CCDC150: variants seen among roughly 807,000 people sequenced by gnomAD.
The protein encoded by CCDC150 is coiled-coil domain containing 150, also known as coiled-coil domain-containing protein 150.
CCDC150 carries 151 observed loss-of-function variants against 156.5 expected under a neutral mutation model. That is an observed-to-expected ratio of 0.97 (90% CI 0.85 to 1.10). CCDC150 has a LOEUF of 1.10. Among genes scored for constraint, CCDC150 ranks in the 50% least tolerant of loss-of-function variants. The probability of loss-of-function intolerance (pLI) is 0.00; values close to 1 mark genes in which losing one functional copy is unlikely to be tolerated. For synonymous variants in CCDC150, 452 were observed against 429.4 expected (o/e 1.05, Z -0.65); for missense variants, 1,312 against 1,268.1 (o/e 1.03, Z -0.53).
chr2:196,704,837 G>C (rs1696500830), intron 15 of CCDC150, among the ~76,000 whole-genome samples: 1 of 152,076 alleles, frequency 6.6e-6, no homozygotes, highest in Non-Finnish European at 1.5e-5. Context: ...TGCTGATAAT[G>C]ATGGTTTCCA....
chr2:196,655,179 A>G (rs935914381), intron 2 of CCDC150, among the ~76,000 whole-genome samples: 7 of 152,220 alleles, frequency 4.6e-5, no homozygotes, highest in Non-Finnish European at 7.3e-5. Context: ...ACTCTAAGCC[A>G]GGGAGAAGCT....
intron 2 of CCDC150, among the ~76,000 whole-genome samples, chr2:196,656,214 T>TA (rs1486558061): frequency 2.6e-5 from 4 of 152,022 alleles, no homozygotes; most frequent in African/African-American, 9.7e-5. Flanking sequence ...TGGGGAATCT[T>TA]AGAGTTAGGG....
At chr2:196,657,493 A>G (rs1693284384) in intron 4 of CCDC150, 1 of 217,090 alleles carries the variant, frequency 4.6e-6, no homozygotes. Flanking sequence ...AGGAAATGTT[A>G]CAGAATAGGA....
intron 21 of CCDC150, among the ~76,000 whole-genome samples, chr2:196,721,898 C>G (rs77949494): frequency 0.012 from 1,809 of 152,322 alleles, 37 homozygotes; most frequent in African/African-American, 0.041. Context: ...GACTCTCCTT[C>G]TCAGCTCTTC....
intron 24 of CCDC150, 23 bp downstream of exon 24, chr2:196,729,884 G>T (rs768607508): frequency 1.3e-6 from 2 of 1,599,996 alleles, no homozygotes; most frequent in Non-Finnish European, 1.7e-6. Flanking sequence ...CATATACTCT[G>T]TGTTTACCTT....
At chr2:196,731,019 T>C in intron 26 of CCDC150, 74 bp downstream of exon 26, 1 of 1,069,928 alleles carries the variant, frequency 9.3e-7, no homozygotes, top group Non-Finnish European at 1.4e-6. Context: ...CCCAAGTCAA[T>C]GTGAAATCCT....
At chr2:196,704,671 G>A (rs1396079372) in intron 15 of CCDC150, among the ~76,000 whole-genome samples, 2 of 151,988 alleles carry the variant, frequency 1.3e-5, no homozygotes, top group Non-Finnish European at 2.9e-5. Flanking sequence ...ATTTACATTA[G>A]GTATATCTCC....
intron 1 of CCDC150, 71 bp from the exon 2 acceptor site, chr2:196,646,270 A>G: frequency 2.8e-6 from 4 of 1,408,020 alleles, no homozygotes; most frequent in Non-Finnish European, 4.0e-6. Context: ...TAATCCTGGC[A>G]CAGGAATGGC....
chr2:196,709,079 A>G (rs1575916132), intron 15 of CCDC150, among the ~76,000 whole-genome samples: 1 of 152,160 alleles, frequency 6.6e-6, no homozygotes, highest in South Asian at 2.1e-4. Context: ...GTTCTCCTGG[A>G]TAATATCCTG....
At chr2:196,711,448 T>C (rs146637571) in intron 15 of CCDC150, among the ~76,000 whole-genome samples, 48 of 152,266 alleles carry the variant, frequency 3.2e-4, no homozygotes, top group Non-Finnish European at 5.1e-4. Flanking sequence ...TTTCCTGATT[T>C]AGGGGTAGGT....
At chr2:196,712,891 C>G (rs1697232332) in intron 17 of CCDC150, among the ~76,000 whole-genome samples, 152 bp downstream of exon 17, 1 of 152,116 alleles carries the variant, frequency 6.6e-6, no homozygotes, top group African/African-American at 2.4e-5. Context: ...GAAGGTGTTA[C>G]CAGAAGAAAG....
chr2:196,645,307 C>T (rs1029250115), intron 1 of CCDC150, among the ~76,000 whole-genome samples: 1 of 152,176 alleles, frequency 6.6e-6, no homozygotes, highest in Non-Finnish European at 1.5e-5. Context: ...CCCTGGGTCC[C>T]AGGACCACCT....
intron 13 of CCDC150, among the ~76,000 whole-genome samples, chr2:196,683,030 G>A (rs1236183019): frequency 6.6e-6 from 1 of 151,772 alleles, no homozygotes; most frequent in Admixed American, 6.6e-5. Context: ...GTATATAATT[G>A]CCTGATAGAA....
chr2:196,729,592 C>T (rs546506632), intron 23 of CCDC150: 8 of 657,992 alleles, frequency 1.2e-5, no homozygotes, highest in South Asian at 9.9e-5. Flanking sequence ...TGTCACATTC[C>T]GGCTCCCTAT....
At chr2:196,670,706 T>C (rs757720308) in intron 8 of CCDC150, among the ~76,000 whole-genome samples, 1 of 152,130 alleles carries the variant, frequency 6.6e-6, no homozygotes, top group Non-Finnish European at 1.5e-5. Flanking sequence ...GGAAAAAATG[T>C]GTATGTATAA....
At chr2:196,664,778 C>T (rs527778350) in intron 5 of CCDC150, among the ~76,000 whole-genome samples, 1 of 152,230 alleles carries the variant, frequency 6.6e-6, no homozygotes, top group East Asian at 1.9e-4. Context: ...TTCCCCCACC[C>T]CCCAGCCAAT....
chr2:196,698,616 A>G (rs1312190819), intron 14 of CCDC150, among the ~76,000 whole-genome samples: 2 of 152,210 alleles, frequency 1.3e-5, no homozygotes, highest in African/African-American at 4.8e-5. Context: ...TTGGTTTTTT[A>G]TATGTTCTTA....
At chr2:196,716,357 TAA>T (rs1263431036) in intron 17 of CCDC150, among the ~76,000 whole-genome samples, 1 of 148,714 alleles carries the variant, frequency 6.7e-6, no homozygotes, top group African/African-American at 2.6e-5. Flanking sequence ...GGAAACAACT[TAA>T]GTGTCCACCA....
chr2:196,711,917 G>A (rs1310020117), intron 15 of CCDC150, among the ~76,000 whole-genome samples: 1 of 151,862 alleles, frequency 6.6e-6, no homozygotes, highest in African/African-American at 2.4e-5. Flanking sequence ...GAAACCAAAT[G>A]AGTTATCTCA....
Sources: gnomAD v4.1 joint callset for allele counts (sites outside exome capture counted in the v4.1 genomes callset) on GRCh38, gnomAD v4.1.1 for gene constraint, MANE v1.5 for transcripts, NCBI Gene and HGNC (gene_info 2026-07-23, HGNC 2026-07-21) for gene names.